ZNF738: variants seen among roughly 807,000 people sequenced by gnomAD.
ZNF738 encodes the protein zinc finger protein 738, also known as protein ZNF738.
ZNF738 carries 10 observed loss-of-function variants against 9.2 expected under a neutral mutation model. The observed-to-expected ratio is 1.09, with a 90% CI of 0.67 to 1.85. ZNF738 has a LOEUF of 1.85. Ranked by LOEUF, ZNF738 falls within the 40% of genes most tolerant of loss-of-function variation. The pLI, the probability that ZNF738 is intolerant of heterozygous loss-of-function variation, is 0.00. For missense variants in ZNF738, 346 were observed against 283.6 expected (o/e 1.22, Z -1.58); for synonymous variants, 113 against 94.5 (o/e 1.20, Z -1.14).
intron 4 of ZNF738, among the ~76,000 whole-genome samples, chr19:21,382,500 G>A (rs1166022549): frequency 2.0e-5 from 3 of 151,944 alleles, no homozygotes; most frequent in Admixed American, 6.6e-5. Flanking sequence ...GCCTCCCAAA[G>A]TGCTGGGATT....
At chr19:21,361,625 G>A in intron 1 of ZNF738, 141 bp from the exon 2 acceptor site, 4 of 657,048 alleles carry the variant, frequency 6.1e-6, no homozygotes, top group Non-Finnish European at 1.1e-5. Flanking sequence ...AATTTATGGG[G>A]TGATGTGTCC....
At chr19:21,364,169 T>C (rs2968025) in intron 2 of ZNF738, among the ~76,000 whole-genome samples, 83,296 of 133,082 alleles carry the variant, frequency 0.63, 26,033 homozygotes, top group African/African-American at 0.77. Flanking sequence ...TGCACTCTAG[T>C]CTGGGCAATA....
Position 21,383,347 on chromosome 19 carries a change from A to C in ZNF738, c.801A>C (p.Lys267Asn), listed in dbSNP as rs1169340227. ...DKSYKHEECG[K>N]GFNHSTTLTR... is the part of the protein sequence containing the mutation. ...CCTACAAACATGAAGAATGTGGAAAAGGTTTTAACCACTCCACAACTCTTA... is the reference window on the plus strand; with the variant it reads ...CCTACAAACATGAAGAATGTGGAAACGGTTTTAACCACTCCACAACTCTTA... The change falls in exon 5 of 5, where the codon AAA (lysine) becomes AAC (asparagine). Residue 267 changes from lysine to asparagine, a missense_variant. Transcript: ENST00000683779. 2.4e-6 allele frequency: 3 copies of C among 1,260,766 alleles called. No individual in the cohort carries two copies. The East Asian group carries it at 7.1e-5, about 30-fold the overall frequency. 78.1% of individuals were successfully genotyped at this position (1,260,766 alleles called of 1,614,324 possible).
At chr19:21,377,332 G>T (rs548310015) in intron 4 of ZNF738, 27 of 611,966 alleles carry the variant, frequency 4.4e-5, no homozygotes, top group Admixed American at 2.8e-5. Flanking sequence ...GTATTATACT[G>T]CCTTCAGTTC....
In ZNF738 at chr19:21,385,063, G is replaced by A. The variant is rs912746024; in HGVS notation, c.*1389G>A. Among the ~76,000 whole-genome samples the A allele has an allele frequency of 6.6e-6, 1 of 152,102 alleles. No homozygotes were observed. The highest frequency in any genetic ancestry group is 1.5e-5 in the Non-Finnish European group (1 of 68,008). On this transcript the variant is annotated 3_prime_UTR_variant, in exon 5 of 5. Transcript: ENST00000683779. Reference sequence around the variant, plus strand: ...TCCTCTACCCTTACTAAAGATAAAAGAGTTTGACTGGGTGCGGTGGCTCAT... The same window carrying A: ...TCCTCTACCCTTACTAAAGATAAAAAAGTTTGACTGGGTGCGGTGGCTCAT...
intron 4 of ZNF738, chr19:21,379,109 G>C (rs1260760821): frequency 6.7e-6 from 1 of 150,372 alleles, no homozygotes; most frequent in Non-Finnish European, 1.5e-5. Flanking sequence ...AAATATTTCT[G>C]TTCTTATTTC....
intron 2 of ZNF738, among the ~76,000 whole-genome samples, chr19:21,362,360 A>G (rs1973712416): frequency 6.6e-6 from 1 of 152,158 alleles, no homozygotes; most frequent in Non-Finnish European, 1.5e-5. Context: ...CAACAAAAAC[A>G]ACAACAAACT....
At position 21,359,103 on chromosome 19, in the gene ZNF738, C is replaced by G; in HGVS notation, c.-38C>G. 1 of 1,030,168 alleles carries G rather than the reference C, an allele frequency of 9.7e-7. No individual in the cohort carries two copies. Among genetic ancestry groups the G allele is most frequent in the Non-Finnish European group, 1.5e-6 (1 of 649,756 alleles). 63.8% of individuals were successfully genotyped at this position (1,030,168 alleles called of 1,614,324 possible). ...CCTGTGACCTGCAGGTATTGGGAAT[C>G]CACAGCTAAGACGCCGGGACACCCT... On this transcript the variant is annotated 5_prime_UTR_variant, in exon 1 of 5. It adds an upstream start codon to the 5' untranslated region. Transcript: ENST00000683779.
At position 21,385,120 on chromosome 19, in the gene ZNF738, G is replaced by A. The variant is rs1974052121; in HGVS notation, c.*1446G>A. 6.6e-6 allele frequency among the ~76,000 whole-genome samples: 1 copy of A among 152,176 alleles called. No homozygotes were observed. The highest frequency in any genetic ancestry group is 1.5e-5 in the Non-Finnish European group (1 of 68,022). ...AATCCCAGCACTTTGGGAGGCTGAG[G>A]CAGGCAGATCACCTGGTCAATGGTC... On this transcript the variant is annotated 3_prime_UTR_variant, in exon 5 of 5. Coordinates refer to ENST00000683779, the MANE Select transcript of ZNF738 (RefSeq NM_001355237.2).
chr19:21,361,346 G>A (rs1328801032), intron 1 of ZNF738, among the ~76,000 whole-genome samples: 7 of 144,236 alleles, frequency 4.9e-5, no homozygotes, highest in Admixed American at 2.8e-4. Flanking sequence ...CTCTATGTTG[G>A]TCAGGCTGGT....
At position 21,383,031 on chromosome 19, in the gene ZNF738, A is replaced by G. The variant is rs1974023821; in HGVS notation, c.485A>G (p.Asn162Ser). Residue 162 changes from asparagine (N) to serine (S), a missense_variant, in exon 5 of 5, where the codon AAT becomes AGT. Coordinates refer to ENST00000683779, the MANE Select transcript of ZNF738 (RefSeq NM_001355237.2). ...NECNVQKEGY[N>S]ELKEYLTTTQ... ...TGTAATGTGCAAAAAGAAGGTTATA[A>G]TGAACTAAAAGAGTATTTGACAACT... The G allele has an allele frequency of 2.4e-6, 2 of 847,610 alleles. No individual in the cohort carries two copies. Among genetic ancestry groups the G allele is most frequent in the South Asian group, 1.4e-5 (1 of 73,978 alleles). 52.5% of individuals were successfully genotyped at this position (847,610 alleles called of 1,614,324 possible).
At chr19:21,361,634 C>T (rs1973693893) in intron 1 of ZNF738, 132 bp from the exon 2 acceptor site, 4 of 680,576 alleles carry the variant, frequency 5.9e-6, no homozygotes, top group Non-Finnish European at 8.1e-6. Flanking sequence ...GGTGATGTGT[C>T]CTCAGCCACC....
At chr19:21,367,003 T>C (rs575382918) in intron 2 of ZNF738, among the ~76,000 whole-genome samples, 13 of 152,340 alleles carry the variant, frequency 8.5e-5, no homozygotes, top group Admixed American at 8.5e-4. Flanking sequence ...ATCCTTATTT[T>C]ACTCAGCCCC....
Position 21,381,363 on chromosome 19 carries a change from T to C in ZNF738, c.320-1503T>C, listed in dbSNP as rs1307134256. The C allele has an allele frequency of 6.0e-6, 9 of 1,502,488 alleles. No individual in the cohort carries two copies. The East Asian group carries it at 2.0e-4, about 34-fold the overall frequency. 93.1% of individuals were successfully genotyped at this position (1,502,488 alleles called of 1,614,324 possible). On this transcript the variant is annotated intron_variant, in intron 4 of 4. Transcript: ENST00000683779. ...TTTGCTTTCTTTTTGATGAATACTCTGACTCCATCTTGAATAACTTCTTCA... is the reference window on the plus strand; with the variant it reads ...TTTGCTTTCTTTTTGATGAATACTCCGACTCCATCTTGAATAACTTCTTCA...
rs575637224 is a variant in ZNF738, at chr19:21,384,631, C to T, written c.*957C>T. ...GCTTTTTAAAAATCCTCAAACCTTACTAATCATAAGATAACTCATACTGGA... is the reference window on the plus strand; with the variant it reads ...GCTTTTTAAAAATCCTCAAACCTTATTAATCATAAGATAACTCATACTGGA... On this transcript the variant is annotated 3_prime_UTR_variant, in exon 5 of 5. Coordinates refer to ENST00000683779, the MANE Select transcript of ZNF738 (RefSeq NM_001355237.2). Among the ~76,000 whole-genome samples the T allele has an allele frequency of 6.6e-6, 1 of 152,258 alleles. No individual in the cohort carries two copies. The highest frequency in any genetic ancestry group is 1.9e-4 in the East Asian group (1 of 5,172).
At chr19:21,360,330 T>C (rs1942934122) in intron 1 of ZNF738, 1 of 152,250 alleles carries the variant, frequency 6.6e-6, no homozygotes, top group African/African-American at 2.4e-5. Context: ...CTAACCCCCA[T>C]CCCTCATTAC....
Position 21,375,867 on chromosome 19 carries a change from A to G in ZNF738, c.224-2A>G, listed in dbSNP as rs1599717290. On this transcript the variant is annotated splice_acceptor_variant, in intron 3 of 4. Transcript: ENST00000683779. LOFTEE classifies it high-confidence loss of function. ...TCATGTTATTTATTTTTAATAAATC[A>G]GGTATTGATGTCTCTAAGCCAGATC... 3 of 782,666 alleles carry G rather than the reference A, an allele frequency of 3.8e-6. No individual in the cohort carries two copies. The highest frequency in any genetic ancestry group is 1.4e-5 in the South Asian group (1 of 73,538). 48.5% of individuals were successfully genotyped at this position (782,666 alleles called of 1,614,324 possible). A position where few individuals can be genotyped will look rare whatever the true frequency, so the allele number is the denominator to read the frequency against.
intron 4 of ZNF738, 77 bp downstream of exon 4, chr19:21,376,041 A>C: frequency 3.3e-6 from 2 of 609,930 alleles, no homozygotes; most frequent in Non-Finnish European, 6.0e-6. Flanking sequence ...AGTCCCTATA[A>C]TGTGATTTGG....
chr19:21,381,198 C>T lies in ZNF738; in HGVS notation c.320-1668C>T, dbSNP rs147885571. 546 of 1,407,284 alleles carry T rather than the reference C, an allele frequency of 3.9e-4. 1 individual carries two copies. The African/African-American group carries it at 5.9e-3, about 15-fold the overall frequency. 87.2% of individuals were successfully genotyped at this position (1,407,284 alleles called of 1,614,324 possible). The stretch of plus-strand genomic sequence containing the variant: ...CTTCCAGGAGTTTTCTTGGAACCTA[C>T]AGCCAGAAGAGTCCTGAGATTTCAA... On this transcript the variant is annotated intron_variant, in intron 4 of 4. Coordinates refer to ENST00000683779, the MANE Select transcript of ZNF738 (RefSeq NM_001355237.2).
Sources: allele counts gnomAD v4.1 joint callset (sites outside exome capture counted in the v4.1 genomes callset), GRCh38; gene constraint gnomAD v4.1.1; transcripts MANE v1.5; gene names NCBI Gene and HGNC (gene_info 2026-07-23, HGNC 2026-07-21).